Variants in LRP5 observed in about 807,000 individuals in gnomAD.
LRP5 encodes the protein LDL receptor related protein 5.
In LRP5, 62 loss-of-function variants were observed where a neutral mutation model predicts 154.1. The ratio of observed to expected loss-of-function variants is 0.40; its 90% confidence interval spans 0.33 to 0.50. The LOEUF is 0.50. LRP5 is among the 20% of genes least tolerant of loss of function. The pLI is 0.55. For missense variants in LRP5, 1,915 were observed against 2,336.7 expected, an observed-to-expected ratio of 0.82 and a Z score of 3.72; for synonymous variants, 966 against 1,011.5, an observed-to-expected ratio of 0.96 and a Z score of 0.85.
At chr11:68,368,852 T>TCA (rs2098632536) in intron 5 of LRP5, among the ~76,000 whole-genome samples, 1 of 151,242 alleles carries the variant, frequency 6.6e-6, no homozygotes, top group African/African-American at 2.4e-5. Flanking sequence ...GATATCTTTT[T>TCA]TTTTTTTTTT....
rs2098620645 is a variant in LRP5, at chr11:68,353,681, T to C, written c.489-3969T>C. Reference sequence around the variant, plus strand: ...CCCGGCCCTGCTAGAGCCCCCGTCATCTCCTGTGCCCTCCTGCAGTGCTGT... The same window carrying C: ...CCCGGCCCTGCTAGAGCCCCCGTCACCTCCTGTGCCCTCCTGCAGTGCTGT... On this transcript the variant is annotated intron_variant, in intron 2 of 22. Coordinates refer to ENST00000294304, the MANE Select transcript of LRP5 (RefSeq NM_002335.4). This position sits in a 1 kb window ranked among gnomAD's most constrained non-coding sequence, Gnocchi z 4.5. Among the ~76,000 whole-genome samples the C allele has an allele frequency of 6.6e-6, 1 of 152,098 alleles. No individual in the cohort carries two copies. The highest frequency in any genetic ancestry group is 2.4e-5 in the African/African-American group (1 of 41,424).
rs2098659501 is a variant in LRP5 at position 68,411,508 on chromosome 11, G to A, written c.2391G>A (p.Met797Ile). The A allele has an allele frequency of 5.6e-6, 9 of 1,613,758 alleles. No individual in the cohort carries two copies. The highest frequency in any genetic ancestry group is 7.6e-6 in the Non-Finnish European group (9 of 1,180,042). The change falls in exon 11 of 23, where the codon ATG becomes ATA. Residue 797 changes from methionine (M) to isoleucine (I), a missense_variant. Around this residue, in one of 3 missense-constraint regions of LRP5, gnomAD observed 1,094 missense variants for 1,210.1 expected, o/e 0.90. Coordinates refer to ENST00000294304, the MANE Select transcript of LRP5 (RefSeq NM_002335.4). ...CCTTCATGGACGGGACCAACTGCAT[G>A]ACGCTGGTGGACAAGGTGGGCCGGG... is the stretch of plus-strand genomic sequence containing the variant. ...VRAFMDGTNC[M>I]TLVDKVGRAN...
chr11:68,348,544 G>A lies in LRP5; in HGVS notation c.488+301G>A, dbSNP rs571867924. Among the ~76,000 whole-genome samples, 18 of 144,810 alleles carry A rather than the reference G, an allele frequency of 1.2e-4. 1 individual carries two copies. The highest frequency in any genetic ancestry group is 2.6e-4 in the Non-Finnish European group (17 of 66,658). ...TCGGTGCGACTCTGAAAATGAACTC[G>A]TGGGGGGGTTGGTTCAGGCCTGTAA... On this transcript the variant is annotated intron_variant, in intron 2 of 22. Coordinates refer to ENST00000294304, the MANE Select transcript of LRP5 (RefSeq NM_002335.4).
intron 18 of LRP5, 60 bp from the exon 19 acceptor site, chr11:68,436,829 C>T (rs1179494370): frequency 7.8e-6 from 10 of 1,276,076 alleles, no homozygotes; most frequent in Non-Finnish European, 1.0e-5. Flanking sequence ...TTGCTGTGCC[C>T]TGCATGGTGG....
chr11:68,379,491 A>C (rs1222850333), intron 5 of LRP5, among the ~76,000 whole-genome samples: 3 of 152,156 alleles, frequency 2.0e-5, no homozygotes, highest in African/African-American at 7.2e-5. Flanking sequence ...CCCCCACTTA[A>C]GTGTCAGACA....
Position 68,363,801 on chromosome 11 carries a change from G to C in LRP5, c.741G>C (p.Gly247=), listed in dbSNP as rs1312931779. 6.2e-7 allele frequency: 1 copy of C among 1,612,894 alleles called. No individual in the cohort carries two copies. The highest frequency in any genetic ancestry group is 1.3e-5 in the African/African-American group (1 of 74,752). The change falls in exon 4 of 23, where the codon GGG becomes GGC. Residue 247 remains glycine (G), a synonymous_variant. Coordinates refer to ENST00000294304, the MANE Select transcript of LRP5 (RefSeq NM_002335.4). ...LTHPFALTLS[G]DTLYWTDWQT... ...ACCCCTTCGCCCTGACGCTCTCCGGGGACACTCTGTACTGGACAGACTGGC... is the reference window on the plus strand; with the variant it reads ...ACCCCTTCGCCCTGACGCTCTCCGGCGACACTCTGTACTGGACAGACTGGC...
chr11:68,318,325 G>C (rs569776176), intron 1 of LRP5, among the ~76,000 whole-genome samples: 1 of 146,372 alleles, frequency 6.8e-6, no homozygotes, highest in African/African-American at 2.5e-5. Context: ...GATTACAGGC[G>C]TGAGCCACCA....
chr11:68,401,768 A>C (rs1235664831), intron 7 of LRP5, among the ~76,000 whole-genome samples: 1 of 151,970 alleles, frequency 6.6e-6, no homozygotes, highest in East Asian at 1.9e-4. Flanking sequence ...GGCTCACTGC[A>C]ATCTTCGCTA....
intron 2 of LRP5, among the ~76,000 whole-genome samples, chr11:68,352,727 T>C (rs539202629): frequency 4.7e-5 from 7 of 148,148 alleles, no homozygotes; most frequent in African/African-American, 1.8e-4. Context: ...GGGAGGTGCT[T>C]GGCACTTGGT....
At chr11:68,429,750 C>G (rs1448573398) in intron 17 of LRP5, 50 bp downstream of exon 17, 2 of 1,612,022 alleles carry the variant, frequency 1.2e-6, no homozygotes, top group African/African-American at 2.7e-5. Flanking sequence ...GTACCTGATT[C>G]TCTGCCTGCT....
At chr11:68,433,912 C>G in intron 18 of LRP5, 74 bp downstream of exon 18, 2 of 1,428,638 alleles carry the variant, frequency 1.4e-6, no homozygotes, top group South Asian at 1.2e-5. Flanking sequence ...GGGCTGCCTC[C>G]GGCCTCACAG....
chr11:68,393,776 C>T (rs371999197), intron 7 of LRP5, among the ~76,000 whole-genome samples: 18 of 152,078 alleles, frequency 1.2e-4, no homozygotes, highest in Non-Finnish European at 2.4e-4. Flanking sequence ...AGTGAAACTC[C>T]ATCTAAAATA....
At chr11:68,322,510 C>T (rs1226883559) in intron 1 of LRP5, among the ~76,000 whole-genome samples, 3 of 152,176 alleles carry the variant, frequency 2.0e-5, no homozygotes, top group Admixed American at 1.3e-4. Context: ...CAGGCCGTGC[C>T]GCCCTGAGCA....
At chr11:68,409,261 T>C (rs1213453388) in intron 9 of LRP5, among the ~76,000 whole-genome samples, 1 of 140,762 alleles carries the variant, frequency 7.1e-6, no homozygotes, top group African/African-American at 2.6e-5. Flanking sequence ...TAATAAAATA[T>C]ATAATATAAA....
intron 8 of LRP5, 123 bp downstream of exon 8, chr11:68,403,822 A>G (rs985562662): frequency 2.4e-5 from 28 of 1,158,834 alleles, no homozygotes; most frequent in African/African-American, 6.1e-5. Context: ...AGGGCAGGAC[A>G]GGAAAGGTGA....
At chr11:68,347,558 A>G (rs1457675789) in intron 1 of LRP5, among the ~76,000 whole-genome samples, 1 of 152,188 alleles carries the variant, frequency 6.6e-6, no homozygotes, top group East Asian at 1.9e-4. Context: ...CATGGCAGGA[A>G]GGGTCACCCA....
At chr11:68,434,041 G>A (rs759423643) in intron 18 of LRP5, among the ~76,000 whole-genome samples, 1 of 152,200 alleles carries the variant, frequency 6.6e-6, no homozygotes, top group Non-Finnish European at 1.5e-5. Flanking sequence ...TGGCTTGAAG[G>A]CAGACTGTGA....
chr11:68,306,098 T>A, the LRP5 span, among the ~76,000 whole-genome samples: 2 of 152,180 alleles, frequency 1.3e-5, no homozygotes, highest in African/African-American at 4.8e-5. Context: ...ATGGCCTTTT[T>A]TCCTTCACTC....
At chr11:68,442,681 C>T (rs568037683) in intron 21 of LRP5, among the ~76,000 whole-genome samples, 5 of 152,322 alleles carry the variant, frequency 3.3e-5, no homozygotes, top group East Asian at 1.9e-4. Flanking sequence ...CTGAGCATTT[C>T]GGAGGCTCCC....
Sources: allele counts gnomAD v4.1 joint callset (sites outside exome capture counted in the v4.1 genomes callset), GRCh38; gene constraint gnomAD v4.1.1; regional missense constraint gnomAD v4.1.1; non-coding constraint Gnocchi (gnomAD v3.1); transcripts MANE v1.5; gene names NCBI Gene and HGNC (gene_info 2026-07-23, HGNC 2026-07-21).